ENG: variants seen among roughly 807,000 people sequenced by gnomAD.
ENG encodes the protein endoglin.
Under a neutral mutation model 71.0 loss-of-function variants are expected in ENG, and 17 were observed. That is an observed-to-expected ratio of 0.24 (90% CI 0.16 to 0.36). The LOEUF is 0.36. Ranked by LOEUF, ENG falls within the 10% of genes least tolerant of loss-of-function variation. The probability of loss-of-function intolerance (pLI) is 1.00; values close to 1 mark genes in which losing one functional copy is unlikely to be tolerated. For synonymous variants in ENG, 360 were observed against 366.9 expected (o/e 0.98, Z 0.21); for missense variants, 749 against 868.3 (o/e 0.86, Z 1.73).
chr9:127,840,859 TTTG>T (rs1831014040), intron 2 of ENG, among the ~76,000 whole-genome samples: 1 of 152,208 alleles, frequency 6.6e-6, no homozygotes, highest in Non-Finnish European at 1.5e-5. Context: ...ACAGGGAGAT[TTTG>T]TTGTCATGAA....
chr9:127,819,714 A>G, intron 9 of ENG, 54 bp from the exon 10 acceptor site: 1 of 1,586,804 alleles, frequency 6.3e-7, no homozygotes, highest in Non-Finnish European at 8.6e-7. Flanking sequence ...CCCAGAGGGT[A>G]TCCCACCCAA....
At chr9:127,850,129 T>A (rs868298020) in intron 1 of ENG, among the ~76,000 whole-genome samples, 2 of 152,150 alleles carry the variant, frequency 1.3e-5, no homozygotes, top group Non-Finnish European at 2.9e-5. Flanking sequence ...GGAAGCAGGG[T>A]CCCAGAGCCA....
chr9:127,816,102 C>T, intron 13 of ENG, 49 bp from the exon 14 acceptor site: 2 of 1,587,156 alleles, frequency 1.3e-6, no homozygotes, highest in Non-Finnish European at 1.7e-6. Context: ...CCTGCCCCAT[C>T]CCCTACCCTG....
intron 1 of ENG, among the ~76,000 whole-genome samples, chr9:127,851,522 C>A (rs551341587): frequency 7.2e-5 from 11 of 152,098 alleles, no homozygotes; most frequent in Non-Finnish European, 1.5e-4. Flanking sequence ...CTGCACCCGG[C>A]CTGCTTGTCC....
chr9:127,827,400 G>T (rs1370002823), intron 3 of ENG, among the ~76,000 whole-genome samples: 1 of 152,220 alleles, frequency 6.6e-6, no homozygotes, highest in East Asian at 1.9e-4. Flanking sequence ...GGGATGGGGA[G>T]TCTGGGTGGC....
At chr9:127,839,846 G>A (rs891688357) in intron 2 of ENG, among the ~76,000 whole-genome samples, 6 of 152,136 alleles carry the variant, frequency 3.9e-5, no homozygotes, top group African/African-American at 1.4e-4. Context: ...GTGAGCCACT[G>A]CGCCTGACCT....
intron 3 of ENG, among the ~76,000 whole-genome samples, chr9:127,828,019 CAAAAAAAAAAA>C (rs997493323): frequency 3.2e-5 from 1 of 31,208 alleles, no homozygotes; most frequent in Admixed American, 3.3e-4. Flanking sequence ...AACTCCATCT[CAAAAAAAAAAA>C]AAAAAAAAAA....
intron 2 of ENG, 106 bp downstream of exon 2, chr9:127,842,987 AG>A (rs1472773904): frequency 6.5e-6 from 10 of 1,548,208 alleles, no homozygotes; most frequent in Non-Finnish European, 8.9e-6. Context: ...GGGCCTAACG[AG>A]GACTCAGCCA....
chr9:127,853,737 T>G (rs893996223), intron 1 of ENG, among the ~76,000 whole-genome samples: 4 of 152,224 alleles, frequency 2.6e-5, no homozygotes, highest in Admixed American at 1.3e-4. Flanking sequence ...GTGGCCAGTC[T>G]GCCAGAGCCC....
intron 10 of ENG, 30 bp downstream of exon 10, chr9:127,819,592 G>A (rs1280894969): frequency 1.2e-6 from 2 of 1,612,546 alleles, no homozygotes; most frequent in Admixed American, 1.7e-5. Context: ...CCCTGGGCCA[G>A]GTGGGTTAGC....
At chr9:127,816,128 T>A in intron 13 of ENG, 75 bp from the exon 14 acceptor site, 1 of 1,534,718 alleles carries the variant, frequency 6.5e-7, no homozygotes, top group East Asian at 2.4e-5. Context: ...CTGGCCCATG[T>A]GGGCTTTGGT....
intron 4 of ENG, 42 bp from the exon 5 acceptor site, chr9:127,825,902 C>G: frequency 6.4e-7 from 1 of 1,553,614 alleles, no homozygotes; most frequent in Non-Finnish European, 8.7e-7. Flanking sequence ...CTCAGCAGCC[C>G]TGCACCTAAC....
chr9:127,825,580 G>T, intron 5 of ENG, 115 bp downstream of exon 5: 2 of 1,268,288 alleles, frequency 1.6e-6, no homozygotes, highest in African/African-American at 1.5e-5. Context: ...CTGCGGCGGG[G>T]CTGGGGCTGG....
chr9:127,839,618 C>T (rs756652105), intron 2 of ENG, among the ~76,000 whole-genome samples: 7 of 152,242 alleles, frequency 4.6e-5, no homozygotes, highest in East Asian at 1.9e-4. Flanking sequence ...TGCAGTGGTG[C>T]GAACTCGGCT....
chr9:127,843,699 A>G (rs1389478887), intron 1 of ENG, among the ~76,000 whole-genome samples: 1 of 141,996 alleles, frequency 7.0e-6, no homozygotes, highest in Non-Finnish European at 1.5e-5. Flanking sequence ...ATATATACAT[A>G]TATAGATATA....
chr9:127,823,555 ATTTTTTGTAT>A (rs1436987413), intron 8 of ENG, among the ~76,000 whole-genome samples: 2 of 149,734 alleles, frequency 1.3e-5, no homozygotes, highest in Non-Finnish European at 3.0e-5. Flanking sequence ...CACCCGGTTA[ATTTTTTGTAT>A]TTTTAGTAGG....
intron 1 of ENG, among the ~76,000 whole-genome samples, chr9:127,843,893 T>A (rs1831111428): frequency 7.0e-6 from 1 of 142,996 alleles, no homozygotes; most frequent in Non-Finnish European, 1.5e-5. Context: ...TGCCTCAGCC[T>A]CCCAAGTAGC....
At chr9:127,830,327 G>A in intron 2 of ENG, among the ~76,000 whole-genome samples, 1 of 135,200 alleles carries the variant, frequency 7.4e-6, no homozygotes, top group East Asian at 2.4e-4. Context: ...GGGCAACAGA[G>A]TGAGACTCCA....
rs552700103 is a variant in ENG, at chr9:127,844,836, C to G, written c.68-1591G>C. 2.0e-5 allele frequency among the ~76,000 whole-genome samples: 3 copies of G among 152,332 alleles called. No homozygotes were observed. In the East Asian group the frequency reaches 5.8e-4, roughly 29 times the overall value. On this transcript the variant is annotated intron_variant, in intron 1 of 14. Transcript: ENST00000373203. ...GAGCTGAGCTCAGGAGACAAAGCTT[C>G]CCCTCTCTTGCCTCAAGGTGGTGGG...
Sources: allele counts gnomAD v4.1 joint callset (sites outside exome capture counted in the v4.1 genomes callset), GRCh38; gene constraint gnomAD v4.1.1; transcripts MANE v1.5; gene names NCBI Gene and HGNC (gene_info 2026-07-23, HGNC 2026-07-21).